ZNF469: variants seen among roughly 807,000 people sequenced by gnomAD.
The protein encoded by ZNF469 is zinc finger protein 469.
ZNF469 carries 1 observed loss-of-function variant against 1.0 expected under a neutral mutation model. The observed-to-expected ratio is 1.00, with a 90% confidence interval of 0.35 to 4.73. The LOEUF (loss-of-function observed/expected upper bound fraction) is 4.73, where lower values mean the gene tolerates loss of function less well. Among genes scored for constraint, ZNF469 ranks in the 30% most tolerant of loss-of-function variants. The pLI is 0.16. For synonymous variants in ZNF469, 2,703 were observed against 2,363.4 expected (o/e 1.14, Z -4.17); for missense variants, 6,100 against 5,356.3 (o/e 1.14, Z -4.33).
the ZNF469 span, among the ~76,000 whole-genome samples, chr16:88,228,307 C>T: frequency 6.6e-6 from 1 of 152,254 alleles, no homozygotes; most frequent in Non-Finnish European, 1.5e-5. Flanking sequence ...GCGCAGGTCG[C>T]CCTGTGGGTC....
At chr16:88,271,977 TA>T in the ZNF469 span, among the ~76,000 whole-genome samples, 1 of 151,820 alleles carries the variant, frequency 6.6e-6, no homozygotes, top group African/African-American at 2.4e-5. Flanking sequence ...GGTGAATGGA[TA>T]GATGAGTGGT....
Position 88,437,085 on chromosome 16 carries a change from G to A in ZNF469, c.9615G>A (p.Gly3205=). The part of the protein sequence containing the change: ...REHAVRFARR[G]QARRSLGDLP... ...ACGCGGTCCGCTTCGCCCGCAGGGG[G>A]CAGGCGCGGAGGTCCTTGGGGGACC... is the stretch of plus-strand genomic sequence containing the variant. Residue 3205 remains glycine (G), a synonymous_variant, in exon 3 of 3, where the codon GGG becomes GGA. Transcript: ENST00000565624. The A allele has an allele frequency of 1.3e-6, 2 of 1,544,098 alleles. No homozygotes were observed. The highest frequency in any genetic ancestry group is 1.7e-6 in the Non-Finnish European group (2 of 1,145,432).
At chr16:88,179,959 C>T in the ZNF469 span, among the ~76,000 whole-genome samples, 1,111 of 152,296 alleles carry the variant, frequency 7.3e-3, 12 homozygotes, top group African/African-American at 0.026. Flanking sequence ...GAAGCTACAG[C>T]TGTAACTTTA....
the ZNF469 span, among the ~76,000 whole-genome samples, chr16:88,323,669 T>C: frequency 7.2e-5 from 11 of 152,140 alleles, no homozygotes; most frequent in South Asian, 2.3e-3. Context: ...TGTAGAGGTA[T>C]TGGGGGGGCT....
the ZNF469 span, among the ~76,000 whole-genome samples, chr16:88,348,874 C>T: frequency 2.0e-5 from 3 of 152,150 alleles, no homozygotes; most frequent in East Asian, 3.8e-4. Context: ...CGGCATCACG[C>T]GTGGGCATGT....
chr16:88,249,429 C>CTTTTTTTTTT, the ZNF469 span, among the ~76,000 whole-genome samples: 9 of 63,614 alleles, frequency 1.4e-4, no homozygotes, highest in South Asian at 7.2e-4. Flanking sequence ...TTTTCTTTTT[C>CTTTTTTTTTT]TTTTTTTTTT....
At chr16:88,353,861 C>G in the ZNF469 span, among the ~76,000 whole-genome samples, 1 of 152,304 alleles carries the variant, frequency 6.6e-6, no homozygotes, top group South Asian at 2.1e-4. Context: ...AGGAAGCTCT[C>G]CTGGAGCTTC....
rs1313062995 is a variant in ZNF469 at position 88,430,396 on chromosome 16, T to A, written c.2926T>A (p.Ser976Thr). ...GGGGTCGGGCGGCGGCGGCAGAGCC[T>A]CCGGCCTGAGGCCCCGGAGGAACGA... is the stretch of plus-strand genomic sequence containing the variant. ...GSGSGGGGRA[S>T]GLRPRRNDGL... The change falls in exon 3 of 3, where the codon TCC becomes ACC. Residue 976 changes from serine to threonine, a missense_variant. Transcript: ENST00000565624. The A allele has an allele frequency of 2.0e-6, 3 of 1,516,264 alleles. No homozygotes were observed. The highest frequency in any genetic ancestry group is 1.2e-5 in the South Asian group (1 of 81,868). 93.9% of individuals were successfully genotyped at this position (1,516,264 alleles called of 1,614,324 possible).
chr16:88,130,301 C>G, the ZNF469 span, among the ~76,000 whole-genome samples: 2 of 152,098 alleles, frequency 1.3e-5, no homozygotes, highest in African/African-American at 4.8e-5. Flanking sequence ...AACCGCACGC[C>G]GCAGACAGCC....
At chr16:88,204,835 C>T in the ZNF469 span, among the ~76,000 whole-genome samples, 1 of 152,168 alleles carries the variant, frequency 6.6e-6, no homozygotes, top group Non-Finnish European at 1.5e-5. Flanking sequence ...ACTCTTGAGA[C>T]CTGGATCCTT....
Position 88,432,096 on chromosome 16 carries a change from G to A in ZNF469, c.4626G>A (p.Leu1542=), listed in dbSNP as rs896378902. 6.8e-5 allele frequency: 105 copies of A among 1,550,396 alleles called. No homozygotes were observed. Among genetic ancestry groups the A allele is most frequent in the Non-Finnish European group, 8.9e-5 (102 of 1,147,016 alleles). Residue 1542 remains leucine (L), a synonymous_variant, in exon 3 of 3, where the codon TTG becomes TTA. Coordinates refer to ENST00000565624, the MANE Select transcript of ZNF469 (RefSeq NM_001367624.2). The part of the protein sequence containing the change: ...RTVVPGAAPS[L]PGKGSGCSVA... Reference sequence around the variant, plus strand: ...TGGTTCCCGGCGCCGCCCCATCTTTGCCTGGGAAGGGGAGTGGATGTAGCG... The same window carrying A: ...TGGTTCCCGGCGCCGCCCCATCTTTACCTGGGAAGGGGAGTGGATGTAGCG...
the ZNF469 span, among the ~76,000 whole-genome samples, chr16:88,216,123 A>C: frequency 6.6e-6 from 1 of 151,772 alleles, no homozygotes; most frequent in Non-Finnish European, 1.5e-5. Flanking sequence ...ACATGTCTTT[A>C]TTTCACCTTC....
the ZNF469 span, among the ~76,000 whole-genome samples, chr16:88,249,883 C>T: frequency 1.3e-5 from 2 of 152,234 alleles, no homozygotes; most frequent in East Asian, 1.9e-4. Context: ...GCTTCTAGAT[C>T]ATGTGTGACT....
At position 88,435,963 on chromosome 16, in the gene ZNF469, C is replaced by G; in HGVS notation, c.8493C>G (p.Val2831=). The change falls in exon 3 of 3, where the codon GTC becomes GTG. Residue 2831 remains valine (V), a synonymous_variant. Coordinates refer to ENST00000565624, the MANE Select transcript of ZNF469 (RefSeq NM_001367624.2). ...LPDNPDTQGG[V]QGPEGPTPDA... The stretch of plus-strand genomic sequence containing the variant: ...ACAACCCAGACACCCAGGGTGGAGT[C>G]CAGGGGCCTGAAGGCCCCACTCCTG... The G allele has an allele frequency of 2.6e-6, 4 of 1,550,056 alleles. No homozygotes were observed. Among genetic ancestry groups the G allele is most frequent in the Non-Finnish European group, 3.5e-6 (4 of 1,146,978 alleles).
In ZNF469 at chr16:88,436,570, G is replaced by A. The variant is rs930113352; in HGVS notation, c.9100G>A (p.Gly3034Arg). 3.1e-5 allele frequency: 48 copies of A among 1,542,060 alleles called. No individual in the cohort carries two copies. The highest frequency in any genetic ancestry group is 1.4e-4 in the African/African-American group (10 of 72,950). The stretch of plus-strand genomic sequence containing the variant: ...AGAACGCTGTGACGGTGGGCTTCCC[G>A]GGAACACCCACCTGCTGCCGCTCCG... ...ERERCDGGLPGNTHLLPLRAT... is the reference protein window; with the variant it reads ...ERERCDGGLPRNTHLLPLRAT... Residue 3034 changes from glycine (G) to arginine (R), a missense_variant, in exon 3 of 3, where the codon GGG (glycine) becomes AGG (arginine). By Grantham distance (125) the Gly-to-Arg change is moderately radical. Transcript: ENST00000565624.
At chr16:88,256,636 C>G in the ZNF469 span, among the ~76,000 whole-genome samples, 3 of 152,196 alleles carry the variant, frequency 2.0e-5, no homozygotes, top group African/African-American at 7.2e-5. Flanking sequence ...ACCAAACTGT[C>G]TTCCACAGTG....
the ZNF469 span, among the ~76,000 whole-genome samples, chr16:88,156,866 C>G: frequency 2.0e-5 from 3 of 151,956 alleles, no homozygotes; most frequent in Non-Finnish European, 4.4e-5. Context: ...GCCTGGCCCA[C>G]GAACACCCAA....
chr16:88,417,366 G>C (rs1485953606), intron 1 of ZNF469, among the ~76,000 whole-genome samples: 2 of 152,188 alleles, frequency 1.3e-5, no homozygotes, highest in Admixed American at 6.5e-5. Context: ...TGAGAGAAAG[G>C]CACCCCCGTC....
At chr16:88,314,603 T>C in the ZNF469 span, among the ~76,000 whole-genome samples, 5 of 151,674 alleles carry the variant, frequency 3.3e-5, no homozygotes, top group Non-Finnish European at 7.4e-5. Flanking sequence ...CTGTCATCTC[T>C]GTGATTCAGT....
Sources: allele counts gnomAD v4.1 joint callset (sites outside exome capture counted in the v4.1 genomes callset), GRCh38; gene constraint gnomAD v4.1.1; transcripts MANE v1.5; gene names NCBI Gene and HGNC (gene_info 2026-07-23, HGNC 2026-07-21).